The following SLC9C1 variants were observed in gnomAD, a reference collection of about 807,000 sequenced individuals.
SLC9C1 encodes the protein sodium/hydrogen exchanger 10.
A neutral mutation model predicts 140.9 loss-of-function variants in SLC9C1; 97 were observed. The observed-to-expected ratio is 0.69, with a 90% CI of 0.58 to 0.82. SLC9C1 has a LOEUF of 0.82. SLC9C1 is among the 40% of genes least tolerant of loss of function. The pLI is 0.00. For missense variants in SLC9C1, 1,340 were observed against 1,389.3 expected (o/e 0.96, Z 0.56); for synonymous variants, 440 against 442.6 (o/e 0.99, Z 0.07).
At chr3:112,201,063 C>T (rs1458739302) in intron 18 of SLC9C1, among the ~76,000 whole-genome samples, 5 of 136,240 alleles carry the variant, frequency 3.7e-5, no homozygotes, top group East Asian at 2.2e-4. Flanking sequence ...TAATATGAAA[C>T]GTTATAAAAC....
chr3:112,233,733 T>G (rs2078900901), intron 12 of SLC9C1, among the ~76,000 whole-genome samples: 1 of 151,568 alleles, frequency 6.6e-6, no homozygotes, highest in Non-Finnish European at 1.5e-5. Context: ...ATGCAGTGTT[T>G]GGTTTTTTGT....
chr3:112,264,364 T>G (rs752057041), intron 8 of SLC9C1, 21 bp from the exon 9 acceptor site: 1 of 1,296,038 alleles, frequency 7.7e-7, no homozygotes, highest in South Asian at 1.9e-5. Context: ...CAGAAAAAAT[T>G]AAAAATATTT....
intron 26 of SLC9C1, among the ~76,000 whole-genome samples, chr3:112,159,090 A>AT (rs924469651): frequency 8.0e-5 from 12 of 149,764 alleles, no homozygotes; most frequent in African/African-American, 2.2e-4. Context: ...GTGTCATTAG[A>AT]TTTTTTTTTA....
At chr3:112,258,626 G>A (rs1437818697) in intron 10 of SLC9C1, among the ~76,000 whole-genome samples, 2 of 151,628 alleles carry the variant, frequency 1.3e-5, no homozygotes, top group Non-Finnish European at 3.0e-5. Flanking sequence ...AGTTTTACAG[G>A]TATTTGTATT....
intron 20 of SLC9C1, chr3:112,185,649 C>G: frequency 6.4e-7 from 1 of 1,563,430 alleles, no homozygotes; most frequent in East Asian, 2.4e-5. Context: ...AGCTCCTTGG[C>G]GGTCCAGTGA....
Position 112,199,488 on chromosome 3 carries a change from T to G in SLC9C1, c.2375-19A>C. ...AAGTAGCCTAAAAAATAACAAAATA[T>G]TTTTAGATTAAATAAGAACATTGTT... On this transcript the variant is annotated intron_variant, in intron 19 of 28. Coordinates refer to ENST00000305815, the MANE Select transcript of SLC9C1 (RefSeq NM_183061.3). 2 of 1,533,448 alleles carry G rather than the reference T, an allele frequency of 1.3e-6. No individual in the cohort carries two copies. The highest frequency in any genetic ancestry group is 1.8e-6 in the Non-Finnish European group (2 of 1,142,442). The allele number at this position is 1,533,448 out of a possible 1,614,324, so 95.0% of individuals were successfully genotyped here.
chr3:112,218,861 C>T (rs62276848), intron 14 of SLC9C1, among the ~76,000 whole-genome samples: 22,294 of 152,210 alleles, frequency 0.15, 2,107 homozygotes, highest in Middle Eastern at 0.22. Context: ...TATTTTACAT[C>T]AACATGTTCA....
rs1247078355 is a variant in SLC9C1, at chr3:112,288,445, A to AT, written c.-87-1568dup. ...AGATAACATTCACAAAGCTTGTAAC[A>AT]TATTACCACCAAGGTAAAAGTGCAT... On this transcript the variant is annotated intron_variant, in intron 1 of 28. Coordinates refer to ENST00000305815, the MANE Select transcript of SLC9C1 (RefSeq NM_183061.3). Among the ~76,000 whole-genome samples the AT allele has an allele frequency of 3.9e-5, 6 of 152,220 alleles. No homozygotes were observed. In the East Asian group the frequency reaches 1.2e-3, roughly 29 times the overall value.
chr3:112,285,122 G>A (rs1409407039), intron 2 of SLC9C1, among the ~76,000 whole-genome samples: 1 of 151,316 alleles, frequency 6.6e-6, no homozygotes, highest in Admixed American at 6.6e-5. Context: ...GAGTAGCTGG[G>A]ACTACAGGTG....
At chr3:112,224,786 TAAGA>T (rs1261702770) in intron 13 of SLC9C1, among the ~76,000 whole-genome samples, 4 of 145,480 alleles carry the variant, frequency 2.7e-5, no homozygotes, top group African/African-American at 7.6e-5. Flanking sequence ...GATACATAGA[TAAGA>T]AAGAAAGAAA....
intron 23 of SLC9C1, among the ~76,000 whole-genome samples, chr3:112,171,809 G>T (rs1047126407): frequency 6.6e-6 from 1 of 152,138 alleles, no homozygotes; most frequent in Non-Finnish European, 1.5e-5. Flanking sequence ...GGGGATCAAG[G>T]TTCATTGCTT....
intron 13 of SLC9C1, 143 bp from the exon 14 acceptor site, chr3:112,221,368 G>A (rs1055524054): frequency 1.4e-6 from 1 of 720,032 alleles, no homozygotes; most frequent in Non-Finnish European, 2.2e-6. Context: ...ATGGAGTTCA[G>A]ATTATAAGAT....
At chr3:112,150,793 C>CATATATATATATAAATACATATACATAT (rs1560003213) in intron 28 of SLC9C1, among the ~76,000 whole-genome samples, 5 of 56,852 alleles carry the variant, frequency 8.8e-5, no homozygotes, top group African/African-American at 3.1e-4. Flanking sequence ...AATACATATA[C>CATATATATATATAAATACATATACATAT]ATATATATAT....
intron 11 of SLC9C1, among the ~76,000 whole-genome samples, chr3:112,243,093 C>T (rs999408834): frequency 9.2e-5 from 14 of 152,248 alleles, no homozygotes; most frequent in Admixed American, 3.3e-4. Flanking sequence ...ATTAGTTCAG[C>T]CACTGTGGAA....
chr3:112,269,733 A>G (rs2080019553), intron 7 of SLC9C1, among the ~76,000 whole-genome samples, 183 bp downstream of exon 7: 1 of 136,544 alleles, frequency 7.3e-6, no homozygotes, highest in Non-Finnish European at 1.7e-5. Context: ...TAATATTGGT[A>G]CATTGTTTCT....
At chr3:112,192,992 T>C (rs2077694971) in intron 20 of SLC9C1, among the ~76,000 whole-genome samples, 1 of 152,164 alleles carries the variant, frequency 6.6e-6, no homozygotes, top group Non-Finnish European at 1.5e-5. Context: ...GGGAAAGACT[T>C]ATTGGCATGA....
chr3:112,182,151 A>C lies in SLC9C1; in HGVS notation c.2631T>G (p.Asp877Glu). 1 of 1,566,828 alleles carries C rather than the reference A, an allele frequency of 6.4e-7. No homozygotes were observed. The highest frequency in any genetic ancestry group is 8.6e-7 in the Non-Finnish European group (1 of 1,158,056). Residue 877 changes from aspartate to glutamate, a missense_variant, in exon 21 of 29, where the codon GAT becomes GAG. Transcript: ENST00000305815. ...GTGTTACCTGAATGAAGTTTATATAATCTTTGTTTTTATCTAGCCACGGAA... is the reference window on the plus strand; with the variant it reads ...GTGTTACCTGAATGAAGTTTATATACTCTTTGTTTTTATCTAGCCACGGAA... ...YHIPWLDKNK[D>E]YINFIQEKAK...
At chr3:112,216,212 G>T (rs950708890) in intron 15 of SLC9C1, among the ~76,000 whole-genome samples, 1 of 152,066 alleles carries the variant, frequency 6.6e-6, no homozygotes, top group Non-Finnish European at 1.5e-5. Flanking sequence ...AATTCAAGAT[G>T]GATTAAAGAC....
At chr3:112,221,405 G>C (rs1044967980) in intron 13 of SLC9C1, among the ~76,000 whole-genome samples, 180 bp from the exon 14 acceptor site, 1 of 152,160 alleles carries the variant, frequency 6.6e-6, no homozygotes, top group African/African-American at 2.4e-5. Flanking sequence ...TCTTGGCTTT[G>C]AGTGGAGCCA....
Sources: gnomAD v4.1 joint callset for allele counts (sites outside exome capture counted in the v4.1 genomes callset) on GRCh38, gnomAD v4.1.1 for gene constraint, MANE v1.5 for transcripts, NCBI Gene and HGNC (gene_info 2026-07-23, HGNC 2026-07-21) for gene names.